SERPIND1: variants seen among roughly 807,000 people sequenced by gnomAD.
SERPIND1 encodes the protein serpin family D member 1, also known as heparin cofactor 2.
A neutral mutation model predicts 35.0 loss-of-function variants in SERPIND1; 34 were observed. That is an observed-to-expected ratio of 0.97 (90% CI 0.74 to 1.29). The LOEUF is 1.29. Ranked by LOEUF, SERPIND1 falls within the 50% of genes most tolerant of loss-of-function variation. The pLI, the probability that SERPIND1 is intolerant of heterozygous loss-of-function variation, is 0.00. For missense variants in SERPIND1, 633 were observed against 637.7 expected (o/e 0.99, Z 0.08); for synonymous variants, 236 against 241.1 (o/e 0.98, Z 0.19).
chr22:20,782,103 G>A lies in SERPIND1; in HGVS notation c.890-1869G>A, dbSNP rs370324612. On this transcript the variant is annotated intron_variant, in intron 2 of 4. Coordinates refer to ENST00000215727, the MANE Select transcript of SERPIND1 (RefSeq NM_000185.4). Reference sequence around the variant, plus strand: ...TTAGGACTGACTTTAGAACAGGCTGGCAGAAGCATTTTTGGCAGCATCAAA... The same window carrying A: ...TTAGGACTGACTTTAGAACAGGCTGACAGAAGCATTTTTGGCAGCATCAAA... Among the ~76,000 whole-genome samples, 16 of 152,252 alleles carry A rather than the reference G, an allele frequency of 1.1e-4. No individual in the cohort carries two copies. The South Asian group carries it at 2.9e-3, about 28-fold the overall frequency.
At position 20,779,455 on chromosome 22, in the gene SERPIND1, A is replaced by C. The variant is rs754307413; in HGVS notation, c.143A>C (p.Lys48Thr). 6.2e-6 allele frequency: 10 copies of C among 1,614,182 alleles called. No individual in the cohort carries two copies. The highest frequency in any genetic ancestry group is 8.5e-6 in the Non-Finnish European group (10 of 1,180,006). The change falls in exon 2 of 5, where the codon AAA becomes ACA. Residue 48 changes from lysine to threonine, a missense_variant. By Grantham distance (78) the Lys-to-Thr change is moderately conservative (BLOSUM62 -1). Coordinates refer to ENST00000215727, the MANE Select transcript of SERPIND1 (RefSeq NM_000185.4). ...ADPQWEQLNNKNLSMPLLPAD... is the reference protein window; with the variant it reads ...ADPQWEQLNNTNLSMPLLPAD... Reference sequence around the variant, plus strand: ...CCCCAGTGGGAGCAGTTAAATAACAAAAACCTGAGCATGCCTCTTCTCCCT... The same window carrying C: ...CCCCAGTGGGAGCAGTTAAATAACACAAACCTGAGCATGCCTCTTCTCCCT...
In SERPIND1 at chr22:20,779,595, A is replaced by T; in HGVS notation, c.283A>T (p.Ile95Phe). The change falls in exon 2 of 5, where the codon ATC (isoleucine) becomes TTC (phenylalanine). Residue 95 changes from isoleucine (I) to phenylalanine (F), a missense_variant. Physicochemically the swap from Ile to Phe is conservative, Grantham distance 21. Coordinates refer to ENST00000215727, the MANE Select transcript of SERPIND1 (RefSeq NM_000185.4). ...IFSEDDDYIDIVDSLSVSPTD... is the reference protein window; with the variant it reads ...IFSEDDDYIDFVDSLSVSPTD... ...CAGTGAAGACGACGACTACATCGAC[A>T]TCGTCGACAGTCTGTCAGTTTCCCC... is the stretch of plus-strand genomic sequence containing the variant. 2.5e-6 allele frequency: 4 copies of T among 1,614,232 alleles called. No homozygotes were observed. The highest frequency in any genetic ancestry group is 1.1e-5 in the South Asian group (1 of 91,092).
In SERPIND1 at chr22:20,786,901, G is replaced by A; in HGVS notation, c.1335G>A (p.Val445=). ...TCAAGCACCAAGGCACGATCACAGT[G>A]AACGAGGAAGGCACCCAAGCCACCA... The part of the protein sequence containing the change: ...DLFKHQGTIT[V]NEEGTQATTV... Residue 445 remains valine, a synonymous_variant, in exon 5 of 5, where the codon GTG becomes GTA. Transcript: ENST00000215727. The A allele has an allele frequency of 6.2e-7, 1 of 1,614,164 alleles. No individual in the cohort carries two copies. The highest frequency in any genetic ancestry group is 8.5e-7 in the Non-Finnish European group (1 of 1,180,036).
intron 2 of SERPIND1, among the ~76,000 whole-genome samples, chr22:20,783,608 C>T (rs892525097): frequency 3.9e-5 from 6 of 152,132 alleles, no homozygotes; most frequent in South Asian, 2.1e-4. Flanking sequence ...CACAGTGAGA[C>T]CTGGTCTCAA....
Position 20,780,143 on chromosome 22 carries a change from T to C in SERPIND1, c.831T>C (p.Ala277=), listed in dbSNP as rs759099484. 1.2e-6 allele frequency: 2 copies of C among 1,614,064 alleles called. No individual in the cohort carries two copies. Among genetic ancestry groups the C allele is most frequent in the African/African-American group, 2.7e-5 (2 of 74,928 alleles). The part of the protein sequence containing the change: ...MKLTKGLIKD[A]LENIDPATQM... Reference sequence around the variant, plus strand: ...TCACCAAGGGCCTCATAAAAGATGCTCTGGAGAATATAGACCCTGCTACCC... The same window carrying C: ...TCACCAAGGGCCTCATAAAAGATGCCCTGGAGAATATAGACCCTGCTACCC... Residue 277 remains alanine, a synonymous_variant, in exon 2 of 5, where the codon GCT becomes GCC. Coordinates refer to ENST00000215727, the MANE Select transcript of SERPIND1 (RefSeq NM_000185.4).
chr22:20,776,254 G>A (rs140916038), intron 1 of SERPIND1, among the ~76,000 whole-genome samples: 1 of 152,100 alleles, frequency 6.6e-6, no homozygotes. Flanking sequence ...AGCCTGAGAG[G>A]AACAGGTGGC....
chr22:20,787,622 C>T lies in SERPIND1; in HGVS notation c.*556C>T. 1 of 174,690 alleles carries T rather than the reference C, an allele frequency of 5.7e-6. No homozygotes were observed. The highest frequency in any genetic ancestry group is 1.2e-5 in the Non-Finnish European group (1 of 80,148). 10.8% of individuals were successfully genotyped at this position (174,690 alleles called of 1,614,324 possible). ...TGACCTTTCAAATCCATGATGAATG[C>T]CATCAGTCCCTCCTGCTGTTGCCTC... On this transcript the variant is annotated 3_prime_UTR_variant, in exon 5 of 5. Coordinates refer to ENST00000215727, the MANE Select transcript of SERPIND1 (RefSeq NM_000185.4).
At chr22:20,777,376 C>T (rs563628837) in intron 1 of SERPIND1, among the ~76,000 whole-genome samples, 14 of 152,068 alleles carry the variant, frequency 9.2e-5, no homozygotes, top group South Asian at 2.1e-4. Flanking sequence ...GCCACCACGC[C>T]GGCTAATTTT....
intron 2 of SERPIND1, among the ~76,000 whole-genome samples, chr22:20,782,979 A>G (rs1933915114): frequency 8.5e-6 from 1 of 117,458 alleles, no homozygotes; most frequent in Non-Finnish European, 1.8e-5. Context: ...ACCTTGAACA[A>G]GTTACTTCAC....
rs1487759415 is a variant in SERPIND1 at position 20,780,773 on chromosome 22, C to CT, written c.889+573dup. On this transcript the variant is annotated intron_variant, in intron 2 of 4. Transcript: ENST00000215727. ...CCTGGACGACAGAGTGAGACTCCAT[C>CT]TCAAAAAAAAAAAAAAAAGAAGTAA... is the stretch of plus-strand genomic sequence containing the variant. Among the ~76,000 whole-genome samples, 3 of 38,800 alleles carry CT rather than the reference C, an allele frequency of 7.7e-5. No individual in the cohort carries two copies. The Admixed American group carries it at 9.8e-4, about 13-fold the overall frequency. The allele number at this position is 38,800 out of a possible 152,430, so 25.5% of individuals were successfully genotyped here.
intron 1 of SERPIND1, among the ~76,000 whole-genome samples, chr22:20,775,180 T>C (rs1398635721): frequency 6.6e-6 from 1 of 151,252 alleles, no homozygotes; most frequent in Admixed American, 6.6e-5. Flanking sequence ...GAAAGCACAA[T>C]ATGAAGTTCC....
In SERPIND1 at chr22:20,774,534, G is replaced by A. The variant is rs529925657; in HGVS notation, c.-17+389G>A. ...TCCCAACACTTTGGGAGGCCGAGGC[G>A]GGTGGATCACGAGGTCAGGAGTTCA... On this transcript the variant is annotated intron_variant, in intron 1 of 4. Coordinates refer to ENST00000215727, the MANE Select transcript of SERPIND1 (RefSeq NM_000185.4). Among the ~76,000 whole-genome samples, 10 of 152,258 alleles carry A rather than the reference G, an allele frequency of 6.6e-5. No individual in the cohort carries two copies. The East Asian group carries it at 9.6e-4, about 15-fold the overall frequency.
intron 2 of SERPIND1, among the ~76,000 whole-genome samples, chr22:20,782,848 G>A (rs1018847703): frequency 6.6e-6 from 1 of 152,180 alleles, no homozygotes; most frequent in African/African-American, 2.4e-5. Context: ...CCCTGGGTGA[G>A]GCAGACTCAG....
intron 2 of SERPIND1, among the ~76,000 whole-genome samples, chr22:20,783,570 T>C (rs1396968791): frequency 6.6e-6 from 1 of 152,070 alleles, no homozygotes; most frequent in Non-Finnish European, 1.5e-5. Context: ...TGAGCTATGA[T>C]GGCATCGCCG....
intron 2 of SERPIND1, among the ~76,000 whole-genome samples, chr22:20,783,435 T>TA (rs362069): frequency 3.6e-4 from 49 of 136,096 alleles, no homozygotes; most frequent in African/African-American, 6.4e-4. Flanking sequence ...CATCTACAAT[T>TA]AAAAAAAAAA....
At chr22:20,784,809 G>A (rs971769208) in intron 3 of SERPIND1, among the ~76,000 whole-genome samples, 2 of 152,212 alleles carry the variant, frequency 1.3e-5, no homozygotes, top group Non-Finnish European at 2.9e-5. Context: ...ATGGCAGAAA[G>A]AATGGAGAGG....
At chr22:20,778,906 T>C (rs1159006485) in intron 1 of SERPIND1, among the ~76,000 whole-genome samples, 2 of 151,972 alleles carry the variant, frequency 1.3e-5, no homozygotes, top group Admixed American at 6.5e-5. Flanking sequence ...ATCTGTCCCC[T>C]GACTGGTCCA....
At position 20,779,725 on chromosome 22, in the gene SERPIND1, A is replaced by T. The variant is rs1405347788; in HGVS notation, c.413A>T (p.Tyr138Phe). The stretch of plus-strand genomic sequence containing the variant: ...AACGCCAAGTTCGCTTTCAACCTCT[A>T]CCGAGTGCTGAAAGACCAGGTCAAC... Reference protein sequence around the residue: ...ILNAKFAFNLYRVLKDQVNTF... With the variant: ...ILNAKFAFNLFRVLKDQVNTF... The change falls in exon 2 of 5, where the codon TAC (tyrosine) becomes TTC (phenylalanine). Residue 138 changes from tyrosine (Y) to phenylalanine (F), a missense_variant. Transcript: ENST00000215727. 6.2e-7 allele frequency: 1 copy of T among 1,614,034 alleles called. No homozygotes were observed. The highest frequency in any genetic ancestry group is 1.3e-5 in the African/African-American group (1 of 74,902).
At chr22:20,784,430 A>T (rs565688410) in intron 3 of SERPIND1, among the ~76,000 whole-genome samples, 185 bp downstream of exon 3, 7 of 152,202 alleles carry the variant, frequency 4.6e-5, no homozygotes. Context: ...ATTAGAGAGC[A>T]TTCATAAGGG....
Sources: gnomAD v4.1 joint callset for allele counts (sites outside exome capture counted in the v4.1 genomes callset) on GRCh38, gnomAD v4.1.1 for gene constraint, MANE v1.5 for transcripts, NCBI Gene and HGNC (gene_info 2026-07-23, HGNC 2026-07-21) for gene names.